NRCAM: variants seen among roughly 807,000 people sequenced by gnomAD.
The protein encoded by NRCAM is neuronal cell adhesion molecule.
A neutral mutation model predicts 156.5 loss-of-function variants in NRCAM; 83 were observed. That is an observed-to-expected ratio of 0.53 (90% CI 0.44 to 0.64). The LOEUF (loss-of-function observed/expected upper bound fraction) is 0.64. NRCAM is among the 30% of genes least tolerant of loss of function. The probability of loss-of-function intolerance (pLI) is 0.00; values close to 1 mark genes in which losing one functional copy is unlikely to be tolerated. For synonymous variants in NRCAM, 538 were observed against 563.9 expected (o/e 0.95, Z 0.65); for missense variants, 1,417 against 1,597.3 (o/e 0.89, Z 1.92).
Position 108,360,760 on chromosome 7 carries a change from C to G in NRCAM, c.-174+38676G>C, listed in dbSNP as rs148153963. Among the ~76,000 whole-genome samples the G allele has an allele frequency of 1.7e-3, 265 of 152,162 alleles. 1 individual carries two copies. The highest frequency in any genetic ancestry group is 5.9e-3 in the African/African-American group (244 of 41,506). On this transcript the variant is annotated intron_variant, in intron 2 of 32. Coordinates refer to ENST00000379028, the MANE Select transcript of NRCAM (RefSeq NM_001037132.4). ...AATGAAGAAAGAATAGTTTTTTCAA[C>G]AAATGGTGTTGGGATAAGTGGAAAC...
In NRCAM at chr7:108,419,831, T is replaced by G. The variant is rs78020659; in HGVS notation, c.-331-20238A>C. ...ATTCTTTCTTGAGAACAGGTTTTGA[T>G]GTCGGGGTGAGGGTGTCCAGTAGGC... On this transcript the variant is annotated intron_variant, in intron 1 of 32. Coordinates refer to ENST00000379028, the MANE Select transcript of NRCAM (RefSeq NM_001037132.4). Among the ~76,000 whole-genome samples, 629 of 152,292 alleles carry G rather than the reference T, an allele frequency of 4.1e-3. 31 individuals carry two copies. The East Asian group carries it at 0.1, about 25-fold the overall frequency.
chr7:108,329,276 G>A (rs368290970), intron 2 of NRCAM, among the ~76,000 whole-genome samples: 2 of 152,016 alleles, frequency 1.3e-5, no homozygotes, highest in South Asian at 4.2e-4. Context: ...ATAGTGAGCT[G>A]GTATTTTCAT....
chr7:108,295,154 G>C (rs1466858645), intron 3 of NRCAM, among the ~76,000 whole-genome samples: 1 of 152,174 alleles, frequency 6.6e-6, no homozygotes, highest in Non-Finnish European at 1.5e-5. Flanking sequence ...AGAATTCTGT[G>C]TCATTTGGGA....
chr7:108,350,639 C>T (rs994480665), intron 2 of NRCAM, among the ~76,000 whole-genome samples: 12 of 152,194 alleles, frequency 7.9e-5, no homozygotes, highest in African/African-American at 9.6e-5. Flanking sequence ...TTTTGTCTCA[C>T]ATACCCACTC....
At chr7:108,175,543 G>C (rs1170122195) in intron 27 of NRCAM, among the ~76,000 whole-genome samples, 186 bp from the exon 28 acceptor site, 1 of 151,982 alleles carries the variant, frequency 6.6e-6, no homozygotes. Context: ...TTCAAATCCA[G>C]TACCAACATT....
rs558676550 is a variant in NRCAM at position 108,217,737 on chromosome 7, C to T, written c.890+5988G>A. ...TACACTGTGAAGGGAAAACCACCTA[C>T]CCAAGCCTCAGTAATGGCAGATGCC... On this transcript the variant is annotated intron_variant, in intron 11 of 32. Coordinates refer to ENST00000379028, the MANE Select transcript of NRCAM (RefSeq NM_001037132.4). 9.9e-5 allele frequency among the ~76,000 whole-genome samples: 15 copies of T among 152,280 alleles called. No individual in the cohort carries two copies. In the South Asian group the frequency reaches 3.1e-3, roughly 32 times the overall value.
At chr7:108,439,429 A>C (rs912321228) in intron 1 of NRCAM, among the ~76,000 whole-genome samples, 6 of 152,318 alleles carry the variant, frequency 3.9e-5, no homozygotes, top group Admixed American at 3.9e-4. Context: ...AACCGGCAAA[A>C]CATTTAGACA....
In NRCAM at chr7:108,433,471, C is replaced by G. The variant is rs554458277; in HGVS notation, c.-332+22772G>C. Among the ~76,000 whole-genome samples, 43 of 152,286 alleles carry G rather than the reference C, an allele frequency of 2.8e-4. 1 individual carries two copies. The highest frequency in any genetic ancestry group is 1.0e-3 in the African/African-American group (42 of 41,572). On this transcript the variant is annotated intron_variant, in intron 1 of 32. Transcript: ENST00000379028. ...GAGAGATTATTAGACATGAACCTCA[C>G]GTTGAAATTTGATCCCCAATATGGG... is the stretch of plus-strand genomic sequence containing the variant.
intron 7 of NRCAM, 32 bp downstream of exon 7, chr7:108,232,294 A>G (rs745671324): frequency 3.3e-6 from 5 of 1,503,202 alleles, no homozygotes; most frequent in South Asian, 2.5e-5. Flanking sequence ...TACTTTAAAA[A>G]GGGTCATGTT....
chr7:108,204,369 G>A (rs1409867058), intron 13 of NRCAM, among the ~76,000 whole-genome samples: 1 of 152,202 alleles, frequency 6.6e-6, no homozygotes, highest in East Asian at 1.9e-4. Context: ...GCTGCAGATG[G>A]GCCAGCTGCA....
At chr7:108,372,707 G>A (rs531915502) in intron 2 of NRCAM, among the ~76,000 whole-genome samples, 3 of 152,206 alleles carry the variant, frequency 2.0e-5, no homozygotes, top group East Asian at 3.9e-4. Flanking sequence ...AAAGACAAGT[G>A]TTGGCATGGA....
Position 108,444,602 on chromosome 7 carries a change from T to C in NRCAM, c.-332+11641A>G, listed in dbSNP as rs1842403026. 3.3e-5 allele frequency among the ~76,000 whole-genome samples: 5 copies of C among 152,160 alleles called. No individual in the cohort carries two copies. The South Asian group carries it at 1.0e-3, about 31-fold the overall frequency. ...TCCATGCATCTCTCCTGGCTTCTAG[T>C]GGTTTGCTGGCAACCTTTGGCCATT... On this transcript the variant is annotated intron_variant, in intron 1 of 32. Transcript: ENST00000379028.
chr7:108,327,270 G>T lies in NRCAM; in HGVS notation c.-173-14539C>A, dbSNP rs142788215. 1.4e-3 allele frequency among the ~76,000 whole-genome samples: 210 copies of T among 152,304 alleles called. 1 individual carries two copies. The highest frequency in any genetic ancestry group is 4.6e-3 in the African/African-American group (190 of 41,568). On this transcript the variant is annotated intron_variant, in intron 2 of 32. Transcript: ENST00000379028. ...TCTAAATCTCACTTATCTTTAAAAT[G>T]TGGCTAATAAGACGTGCTCTCTTTG...
intron 1 of NRCAM, among the ~76,000 whole-genome samples, chr7:108,420,766 C>T (rs891108282): frequency 6.6e-6 from 1 of 152,174 alleles, no homozygotes; most frequent in East Asian, 1.9e-4. Context: ...CCAATTAATG[C>T]GTGCATAACC....
chr7:108,452,409 G>A (rs544118006), intron 1 of NRCAM, among the ~76,000 whole-genome samples: 8 of 86,188 alleles, frequency 9.3e-5, no homozygotes, highest in African/African-American at 1.3e-4. Context: ...TTAATGCTGT[G>A]GGGGGGGGAA....
At chr7:108,456,439 C>T (rs1371531349), upstream of NRCAM, 1 of 151,276 alleles carries the variant, frequency 6.6e-6, no homozygotes, top group Admixed American at 6.6e-5. Flanking sequence ...GCGAGGCTGG[C>T]CCCGCGCCGG....
At chr7:108,382,333 T>C (rs1311021831) in intron 2 of NRCAM, among the ~76,000 whole-genome samples, 2 of 152,052 alleles carry the variant, frequency 1.3e-5, no homozygotes, top group African/African-American at 4.8e-5. Context: ...CGGTGGTTCA[T>C]GCCTCTAATC....
intron 1 of NRCAM, among the ~76,000 whole-genome samples, chr7:108,414,885 G>C (rs1799603548): frequency 6.6e-6 from 1 of 152,126 alleles, no homozygotes; most frequent in African/African-American, 2.4e-5. Context: ...AGGAGAAGCA[G>C]GGAGAGCCTG....
chr7:108,436,677 A>G (rs1455515517), intron 1 of NRCAM, among the ~76,000 whole-genome samples: 1 of 152,240 alleles, frequency 6.6e-6, no homozygotes, highest in Non-Finnish European at 1.5e-5. Context: ...CACAATGTTT[A>G]AAAAATAAAA....
Sources: gnomAD v4.1 joint callset for allele counts (sites outside exome capture counted in the v4.1 genomes callset) on GRCh38, gnomAD v4.1.1 for gene constraint, MANE v1.5 for transcripts, NCBI Gene and HGNC (gene_info 2026-07-23, HGNC 2026-07-21) for gene names.